Variants in ZFR observed in about 807,000 individuals in gnomAD.
ZFR encodes the protein zinc finger RNA binding protein.
A neutral mutation model predicts 130.7 loss-of-function variants in ZFR; 19 were observed. That is an observed-to-expected ratio of 0.15 (90% CI 0.10 to 0.21). ZFR has a LOEUF of 0.21. ZFR is among the 10% of genes least tolerant of loss of function. The pLI, the probability that ZFR is intolerant of heterozygous loss-of-function variation, is 1.00. For synonymous variants in ZFR, 466 were observed against 456.9 expected, an observed-to-expected ratio of 1.02 and a Z score of -0.25; for missense variants, 872 against 1,321.5, an observed-to-expected ratio of 0.66 and a Z score of 5.27.
intron 9 of ZFR, among the ~76,000 whole-genome samples, chr5:32,399,014 G>A (rs1753381983): frequency 1.3e-5 from 2 of 151,906 alleles, no homozygotes; most frequent in Non-Finnish European, 1.5e-5. Flanking sequence ...AGTGTCTCAC[G>A]CCTGTAATCA....
At position 32,355,640 on chromosome 5, in the gene ZFR, G is replaced by A; in HGVS notation, c.*120C>T. On this transcript the variant is annotated 3_prime_UTR_variant, in exon 20 of 20. Transcript: ENST00000265069. ...TTTTTTAATATCATAGAAAAACTTG[G>A]TTCTTCCATGAAATCCTTTAAATTC... 1 of 951,094 alleles carries A rather than the reference G, an allele frequency of 1.1e-6. No individual in the cohort carries two copies. The highest frequency in any genetic ancestry group is 2.2e-5 in the South Asian group (1 of 44,968). The allele number at this position is 951,094 out of a possible 1,614,324, so 58.9% of individuals were successfully genotyped here. A position where few individuals can be genotyped will look rare whatever the true frequency, so the allele number is the denominator to read the frequency against.
intron 17 of ZFR, among the ~76,000 whole-genome samples, chr5:32,373,499 G>A (rs7733140): frequency 0.96 from 145,745 of 152,324 alleles, 69,798 homozygotes; most frequent in African/African-American, 0.99. Context: ...TCTTGTGTTC[G>A]TCTTTAAACT....
intron 11 of ZFR, among the ~76,000 whole-genome samples, chr5:32,393,273 A>G (rs895132302): frequency 3.9e-5 from 6 of 152,220 alleles, no homozygotes; most frequent in Admixed American, 3.3e-4. Context: ...TATACATGTA[A>G]CCATATTTCA....
rs1272620467 is a variant in ZFR, at chr5:32,364,040, G to C, written c.2953C>G (p.Pro985Ala). ...ISSGIILKGS[P>A]GLLDPCEKDP... ...TTTTCACAAGGATCCAGAAGTCCAG[G>C]ACTACCTACAGCAATCACCACAGGG... Residue 985 changes from proline to alanine, a missense_variant, in exon 19 of 20, where the codon CCT becomes GCT. Physicochemically the swap from Pro to Ala is conservative, Grantham distance 27. Coordinates refer to ENST00000265069, the MANE Select transcript of ZFR (RefSeq NM_016107.5). 2 of 1,613,932 alleles carry C rather than the reference G, an allele frequency of 1.2e-6. No individual in the cohort carries two copies. Among genetic ancestry groups the C allele is most frequent in the East Asian group, 2.2e-5 (1 of 44,856 alleles).
chr5:32,432,683 T>C (rs1393878256), intron 2 of ZFR, among the ~76,000 whole-genome samples: 3 of 152,120 alleles, frequency 2.0e-5, no homozygotes, highest in Non-Finnish European at 4.4e-5. Flanking sequence ...TGCAATGTTA[T>C]TATAATAATA....
intron 17 of ZFR, among the ~76,000 whole-genome samples, chr5:32,374,895 T>C (rs1031535779): frequency 4.6e-5 from 7 of 152,194 alleles, no homozygotes; most frequent in Non-Finnish European, 8.8e-5. Flanking sequence ...TAAATTTTTA[T>C]AAACTGACAA....
chr5:32,392,838 T>C (rs977989242), intron 11 of ZFR, among the ~76,000 whole-genome samples: 4 of 152,174 alleles, frequency 2.6e-5, no homozygotes, highest in Middle Eastern at 3.4e-3. Flanking sequence ...CTACTAAAAA[T>C]GCAAAAATTA....
At position 32,406,911 on chromosome 5, in the gene ZFR, C is replaced by G; in HGVS notation, c.895G>C (p.Ala299Pro). 1 of 1,601,352 alleles carries G rather than the reference C, an allele frequency of 6.2e-7. No homozygotes were observed. Among genetic ancestry groups the G allele is most frequent in the Non-Finnish European group, 8.5e-7 (1 of 1,175,652 alleles). The change falls in exon 6 of 20, where the codon GCA (alanine) becomes CCA (proline). Residue 299 changes from alanine to proline, a missense_variant. Ala to Pro is a conservative substitution (Grantham distance 27). This residue lies in a region of ZFR where 240 missense variants were observed against 441.2 expected (regional missense o/e 0.54). Transcript: ENST00000265069. ...QAAAAAAAAAATAAWTGTTFT... is the reference protein window; with the variant it reads ...QAAAAAAAAAPTAAWTGTTFT... Reference sequence around the variant, plus strand: ...GTGGTCCCTGTCCAGGCAGCTGTTGCAGCAGCAGCAGCAGCTGCTGCTGCT... The same window carrying G: ...GTGGTCCCTGTCCAGGCAGCTGTTGGAGCAGCAGCAGCAGCTGCTGCTGCT...
chr5:32,430,970 G>T (rs1383601924), intron 2 of ZFR, among the ~76,000 whole-genome samples: 2 of 152,116 alleles, frequency 1.3e-5, no homozygotes, highest in Non-Finnish European at 2.9e-5. Context: ...AGCTACTCAG[G>T]GGGCTGAGGT....
At chr5:32,432,094 C>T (rs1183458849) in intron 2 of ZFR, among the ~76,000 whole-genome samples, 2 of 151,548 alleles carry the variant, frequency 1.3e-5, no homozygotes, top group Admixed American at 6.6e-5. Context: ...CAGGTTCAAG[C>T]GATCCACCCA....
At chr5:32,368,244 TC>T (rs10713101) in intron 17 of ZFR, among the ~76,000 whole-genome samples, 150,768 of 152,036 alleles carry the variant, frequency 0.99, 74,768 homozygotes, top group Middle Eastern at 1. Flanking sequence ...AAAACTTTTT[TC>T]CCCCCCCAAC....
intron 15 of ZFR, 137 bp from the exon 16 acceptor site, chr5:32,380,309 A>T (rs559950259): frequency 1.9e-4 from 104 of 538,884 alleles, no homozygotes; most frequent in African/African-American, 1.8e-3. Flanking sequence ...CCACGGAGTT[A>T]TTTTCAATAA....
At chr5:32,397,027 T>C (rs1341660890) in intron 10 of ZFR, among the ~76,000 whole-genome samples, 192 bp downstream of exon 10, 4 of 152,242 alleles carry the variant, frequency 2.6e-5, no homozygotes, top group Non-Finnish European at 4.4e-5. Context: ...GTTATTCTTC[T>C]TTATTTTAAA....
At chr5:32,372,801 C>T (rs757578785) in intron 17 of ZFR, among the ~76,000 whole-genome samples, 16 of 151,942 alleles carry the variant, frequency 1.1e-4, no homozygotes, top group Non-Finnish European at 2.1e-4. Context: ...CACCACTGCA[C>T]TCTAGTCTGG....
intron 2 of ZFR, among the ~76,000 whole-genome samples, chr5:32,426,421 G>A (rs1362206393): frequency 2.0e-5 from 3 of 151,474 alleles, no homozygotes; most frequent in Non-Finnish European, 4.4e-5. Context: ...AACCAACTAG[G>A]AATTGAAGGA....
At chr5:32,361,506 T>C (rs1319029035) in intron 19 of ZFR, among the ~76,000 whole-genome samples, 1 of 152,148 alleles carries the variant, frequency 6.6e-6, no homozygotes, top group East Asian at 1.9e-4. Flanking sequence ...AAAGATAACA[T>C]AATAGTGTTT....
At chr5:32,366,947 G>A (rs1349411222) in intron 17 of ZFR, among the ~76,000 whole-genome samples, 9 of 149,508 alleles carry the variant, frequency 6.0e-5, no homozygotes, top group African/African-American at 1.7e-4. Context: ...GTAGTTATTC[G>A]CAGGCACGAT....
intron 2 of ZFR, among the ~76,000 whole-genome samples, chr5:32,421,414 T>C (rs1397897751): frequency 6.6e-6 from 1 of 152,206 alleles, no homozygotes; most frequent in Non-Finnish European, 1.5e-5. Context: ...CATAGAAATA[T>C]AGTATAGAAT....
intron 5 of ZFR, among the ~76,000 whole-genome samples, chr5:32,408,062 TAAG>T (rs2111787629): frequency 6.6e-6 from 1 of 152,298 alleles, no homozygotes; most frequent in Admixed American, 6.5e-5. Flanking sequence ...TTTTTATAAC[TAAG>T]TAGTAAGTTA....
Sources: allele counts gnomAD v4.1 joint callset (sites outside exome capture counted in the v4.1 genomes callset), GRCh38; gene constraint gnomAD v4.1.1; regional missense constraint gnomAD v4.1.1; transcripts MANE v1.5; gene names NCBI Gene and HGNC (gene_info 2026-07-23, HGNC 2026-07-21).